Variants in CTNND2 observed in about 807,000 individuals in gnomAD.
CTNND2 encodes catenin delta 2.
CTNND2 carries 22 observed loss-of-function variants against 144.4 expected under a neutral mutation model. The observed-to-expected ratio is 0.15, with a 90% confidence interval of 0.11 to 0.22. The LOEUF is 0.22. Ranked by LOEUF, CTNND2 falls within the 10% of genes least tolerant of loss-of-function variation. The probability of loss-of-function intolerance (pLI) is 1.00; values close to 1 mark genes in which losing one functional copy is unlikely to be tolerated. For missense variants in CTNND2, 1,353 were observed against 1,618.8 expected (o/e 0.84, Z 2.82); for synonymous variants, 751 against 695.6 (o/e 1.08, Z -1.25).
intron 16 of CTNND2, among the ~76,000 whole-genome samples, chr5:11,068,387 GA>G (rs1228323124): frequency 6.6e-6 from 1 of 152,188 alleles, no homozygotes; most frequent in Non-Finnish European, 1.5e-5. Context: ...TTGGTTTGCA[GA>G]GTAAAAATAA....
intron 3 of CTNND2, among the ~76,000 whole-genome samples, chr5:11,540,355 G>C (rs1013768253): frequency 1.1e-4 from 16 of 152,162 alleles, no homozygotes; most frequent in Non-Finnish European, 1.6e-4. Context: ...AGGATGCACT[G>C]TTCCCCTTCA....
At position 11,903,713 on chromosome 5, in the gene CTNND2, C is replaced by G. The variant is rs1479329226; in HGVS notation, c.37+104G>C. 4.9e-6 allele frequency: 6 copies of G among 1,214,370 alleles called. No homozygotes were observed. Among genetic ancestry groups the G allele is most frequent in the Non-Finnish European group, 6.5e-6 (6 of 928,330 alleles). The allele number at this position is 1,214,370 out of a possible 1,614,324, so 75.2% of individuals were successfully genotyped here. The stretch of plus-strand genomic sequence containing the variant: ...ACCCCGCAGCAGCCGCCGCCGCCGC[C>G]TGCCGGCCGGGAGCCCAGGACCACC... On this transcript the variant is annotated intron_variant, in intron 1 of 21. Coordinates refer to ENST00000304623, the MANE Select transcript of CTNND2 (RefSeq NM_001332.4). The surrounding 1 kb of genome is among the most constrained non-coding windows in gnomAD (Gnocchi z 5.4).
intron 1 of CTNND2, among the ~76,000 whole-genome samples, chr5:11,807,862 T>C (rs563548523): frequency 3.9e-5 from 6 of 152,306 alleles, no homozygotes; most frequent in East Asian, 3.9e-4. Context: ...GCTAAGCCTA[T>C]AAATTAACTT....
intron 9 of CTNND2, among the ~76,000 whole-genome samples, chr5:11,264,694 G>T (rs1462687906): frequency 2.6e-5 from 4 of 152,096 alleles, no homozygotes; most frequent in Admixed American, 6.5e-5. Context: ...CTTTGGGAGG[G>T]CGAGGCAGGC....
At chr5:11,294,784 C>A (rs1045455954) in intron 9 of CTNND2, among the ~76,000 whole-genome samples, 2 of 152,096 alleles carry the variant, frequency 1.3e-5, no homozygotes, top group Non-Finnish European at 2.9e-5. Flanking sequence ...ATTCAACAAC[C>A]CTTCATGCTA....
chr5:11,224,440 G>A (rs1323736683), intron 10 of CTNND2, among the ~76,000 whole-genome samples: 1 of 152,100 alleles, frequency 6.6e-6, no homozygotes, highest in East Asian at 1.9e-4. Flanking sequence ...ACCGAGGCCT[G>A]GTACACTGAC....
intron 1 of CTNND2, among the ~76,000 whole-genome samples, chr5:11,862,785 CT>C (rs1795562279): frequency 1.3e-5 from 2 of 152,154 alleles, no homozygotes; most frequent in African/African-American, 4.8e-5. Flanking sequence ...TGTTTTCAGC[CT>C]CCTGAGAGTT....
At position 11,903,798 on chromosome 5, in the gene CTNND2, GC is replaced by G. The variant is rs1738109904; in HGVS notation, c.37+18del. The G allele has an allele frequency of 1.4e-6, 2 of 1,476,816 alleles. No homozygotes were observed. Among genetic ancestry groups the G allele is most frequent in the Admixed American group, 4.6e-5 (2 of 43,114 alleles). The allele number at this position is 1,476,816 out of a possible 1,614,324, so 91.5% of individuals were successfully genotyped here. On this transcript the variant is annotated intron_variant, in intron 1 of 21. Coordinates refer to ENST00000304623, the MANE Select transcript of CTNND2 (RefSeq NM_001332.4). This position sits in a 1 kb window ranked among gnomAD's most constrained non-coding sequence, Gnocchi z 5.4. Reference sequence around the variant, plus strand: ...GAGGAGGCTGCGCCCGGCCCCGGCCGCCCAGCCCCGCAACTCACCCAAAGGC... The same window carrying G: ...GAGGAGGCTGCGCCCGGCCCCGGCCGCCAGCCCCGCAACTCACCCAAAGGC...
chr5:11,620,484 T>C (rs1382670259), intron 2 of CTNND2, among the ~76,000 whole-genome samples: 3 of 152,192 alleles, frequency 2.0e-5, no homozygotes, highest in Non-Finnish European at 4.4e-5. Flanking sequence ...AGCCTTATTC[T>C]TCCTTCATAC....
intron 3 of CTNND2, among the ~76,000 whole-genome samples, chr5:11,504,601 G>A (rs1388128665): frequency 2.6e-5 from 4 of 152,176 alleles, no homozygotes; most frequent in Admixed American, 2.0e-4. Context: ...GTTGGGGCCA[G>A]GCCAGCGATT....
chr5:11,872,763 C>A (rs2127053796), intron 1 of CTNND2, among the ~76,000 whole-genome samples: 1 of 152,064 alleles, frequency 6.6e-6, no homozygotes, highest in East Asian at 1.9e-4. Flanking sequence ...AAGTTCCTTG[C>A]AGATTCTGGA....
chr5:11,781,315 C>T (rs373462750), intron 1 of CTNND2, among the ~76,000 whole-genome samples: 49 of 152,098 alleles, frequency 3.2e-4, no homozygotes, highest in African/African-American at 5.6e-4. Flanking sequence ...TTTCATGCTG[C>T]GATTTTCCAT....
intron 2 of CTNND2, among the ~76,000 whole-genome samples, chr5:11,665,963 T>A (rs983642486): frequency 6.6e-6 from 1 of 152,154 alleles, no homozygotes; most frequent in African/African-American, 2.4e-5. Context: ...TCATATATAT[T>A]ATGAGCAAAG....
intron 1 of CTNND2, among the ~76,000 whole-genome samples, chr5:11,842,892 C>T (rs1794545651): frequency 6.6e-6 from 1 of 152,230 alleles, no homozygotes; most frequent in South Asian, 2.1e-4. Flanking sequence ...ATGTGGCAAA[C>T]ATTTTATTTC....
chr5:11,375,912 T>G (rs371902645), intron 7 of CTNND2, among the ~76,000 whole-genome samples: 1 of 152,178 alleles, frequency 6.6e-6, no homozygotes, highest in African/African-American at 2.4e-5. Flanking sequence ...TAAATGTTTG[T>G]GCTCTCCTCG....
intron 2 of CTNND2, among the ~76,000 whole-genome samples, chr5:11,575,132 C>T (rs531034487): frequency 5.3e-5 from 8 of 152,300 alleles, no homozygotes; most frequent in Non-Finnish European, 8.8e-5. Context: ...GCACTAACAA[C>T]GCTTTCCTGA....
chr5:11,874,274 A>G (rs1735380446), intron 1 of CTNND2, among the ~76,000 whole-genome samples: 1 of 152,214 alleles, frequency 6.6e-6, no homozygotes, highest in Admixed American at 6.5e-5. Context: ...TCATTGAACT[A>G]GTAAACATAA....
chr5:11,637,774 A>G (rs1781790430), intron 2 of CTNND2, among the ~76,000 whole-genome samples: 1 of 152,176 alleles, frequency 6.6e-6, no homozygotes, highest in Non-Finnish European at 1.5e-5. Flanking sequence ...TATTTTTCAA[A>G]TCCAATTTGA....
intron 20 of CTNND2, among the ~76,000 whole-genome samples, chr5:10,982,364 T>A (rs546627066): frequency 2.1e-4 from 32 of 152,362 alleles, no homozygotes; most frequent in Admixed American, 1.4e-3. Context: ...TCTGGAAGCC[T>A]GCGGCTTTGG....
Sources: allele counts gnomAD v4.1 joint callset (sites outside exome capture counted in the v4.1 genomes callset), GRCh38; gene constraint gnomAD v4.1.1; non-coding constraint Gnocchi (gnomAD v3.1); transcripts MANE v1.5; gene names NCBI Gene and HGNC (gene_info 2026-07-23, HGNC 2026-07-21).